RPA3: variants seen among roughly 807,000 people sequenced by gnomAD.
RPA3 encodes replication protein A3.
RPA3 carries 24 observed loss-of-function variants against 13.7 expected under a neutral mutation model. The observed-to-expected ratio is 1.75, with a 90% CI of 1.27 to 2.46. The LOEUF (loss-of-function observed/expected upper bound fraction) is 2.46. RPA3 is among the 30% of genes most tolerant of loss of function. The pLI is 0.00. For missense variants in RPA3, 183 were observed against 151.0 expected (o/e 1.21, Z -1.11); for synonymous variants, 59 against 51.2 (o/e 1.15, Z -0.65).
rs1297379747 is a variant in RPA3, at chr7:7,640,502, C to A, written c.-84G>T. ...CCGCGGGTGTCTATGGGGCAGATTT[C>A]TCGGCACCAATCAGCGAAGACTAGC... is the stretch of plus-strand genomic sequence containing the variant. On this transcript the variant is annotated 5_prime_UTR_variant, in exon 5 of 8. Coordinates refer to ENST00000223129, the MANE Select transcript of RPA3 (RefSeq NM_002947.5). The A allele has an allele frequency of 8.6e-6, 11 of 1,282,846 alleles. No homozygotes were observed. Among genetic ancestry groups the A allele is most frequent in the Non-Finnish European group, 1.2e-5 (11 of 890,190 alleles). 79.5% of individuals were successfully genotyped at this position (1,282,846 alleles called of 1,614,324 possible).
intron 2 of RPA3, among the ~76,000 whole-genome samples, chr7:7,706,339 C>A (rs1287678238): frequency 6.6e-6 from 1 of 151,984 alleles, no homozygotes; most frequent in Non-Finnish European, 1.5e-5. Flanking sequence ...ATGTTATCAC[C>A]CTAGTCTGGG....
At chr7:7,661,669 T>G (rs932590522) in intron 4 of RPA3, among the ~76,000 whole-genome samples, 9 of 152,178 alleles carry the variant, frequency 5.9e-5, no homozygotes, top group Admixed American at 4.6e-4. Flanking sequence ...GCCCGTTCCT[T>G]CCTCTGGAAG....
intron 7 of RPA3, 97 bp from the exon 8 acceptor site, chr7:7,637,179 C>A: frequency 2.2e-6 from 2 of 895,200 alleles, no homozygotes; most frequent in Non-Finnish European, 3.6e-6. Context: ...TTTTCTCACC[C>A]TTTTGGAAGT....
chr7:7,639,934 T>G, intron 5 of RPA3: 1 of 230,876 alleles, frequency 4.3e-6, no homozygotes, highest in Non-Finnish European at 8.7e-6. Flanking sequence ...GGAAACGAGG[T>G]TTGCAAAAAT....
At chr7:7,717,348 C>T (rs1780941758) in intron 1 of RPA3, among the ~76,000 whole-genome samples, 1 of 152,172 alleles carries the variant, frequency 6.6e-6, no homozygotes, top group Non-Finnish European at 1.5e-5. Flanking sequence ...TAAGCCACCT[C>T]GCCCAGCCTC....
chr7:7,638,053 A>G (rs1784894891), intron 6 of RPA3, 81 bp from the exon 7 acceptor site: 1 of 948,334 alleles, frequency 1.1e-6, no homozygotes, highest in Non-Finnish European at 1.6e-6. Flanking sequence ...TATACAGGTT[A>G]CTAATCTATC....
chr7:7,666,231 C>T (rs1779452452), intron 4 of RPA3, among the ~76,000 whole-genome samples: 1 of 151,958 alleles, frequency 6.6e-6, no homozygotes, highest in African/African-American at 2.4e-5. Context: ...GATAGGGTCT[C>T]ATAGCCCTGT....
At chr7:7,676,339 G>A in intron 4 of RPA3, 1 of 392,156 alleles carries the variant, frequency 2.6e-6, no homozygotes, top group Non-Finnish European at 4.5e-6. Flanking sequence ...CCCTGTGAGT[G>A]AGGTAGTACT....
chr7:7,688,260 T>C (rs1199429171), intron 2 of RPA3, among the ~76,000 whole-genome samples: 1 of 152,208 alleles, frequency 6.6e-6, no homozygotes, highest in Admixed American at 6.5e-5. Context: ...TGTGATTTCT[T>C]AGGATATTTT....
chr7:7,658,850 C>G (rs887653294), intron 4 of RPA3, among the ~76,000 whole-genome samples: 1 of 151,910 alleles, frequency 6.6e-6, no homozygotes, highest in East Asian at 1.9e-4. Context: ...CCCTTTTTTT[C>G]TATTGTTTGG....
rs1784963166 is a variant in RPA3, at chr7:7,641,174, A to G, written c.-756T>C. ...TCACTCTACTTTCTCCACTTTCTCC[A>G]CCTGTAAGAAGAGAGATTGATCCGA... On this transcript the variant is annotated splice_region_variant and 5_prime_UTR_variant, in exon 5 of 8. Coordinates refer to ENST00000223129, the MANE Select transcript of RPA3 (RefSeq NM_002947.5). The G allele has an allele frequency of 6.6e-6, 1 of 152,028 alleles. No individual in the cohort carries two copies. The highest frequency in any genetic ancestry group is 2.1e-4 in the South Asian group (1 of 4,864). 9.4% of individuals were successfully genotyped at this position (152,028 alleles called of 1,614,324 possible).
intron 6 of RPA3, chr7:7,638,556 C>T (rs1347223351): frequency 6.6e-6 from 1 of 151,600 alleles, no homozygotes; most frequent in Non-Finnish European, 1.5e-5. Context: ...CAAAACAAAA[C>T]AAAACAAAAC....
Position 7,636,916 on chromosome 7 carries a change from A to G in RPA3, c.*84T>C. On this transcript the variant is annotated 3_prime_UTR_variant, in exon 8 of 8. Coordinates refer to ENST00000223129, the MANE Select transcript of RPA3 (RefSeq NM_002947.5). ...CAGCAAATTAAATATGAGAAAGCAC[A>G]GAAATCTCTCCCTCAAACAAGAAGG... The G allele has an allele frequency of 1.0e-6, 1 of 992,908 alleles. No individual in the cohort carries two copies. The highest frequency in any genetic ancestry group is 1.6e-6 in the Non-Finnish European group (1 of 637,520). 61.5% of individuals were successfully genotyped at this position (992,908 alleles called of 1,614,324 possible).
intron 1 of RPA3, among the ~76,000 whole-genome samples, chr7:7,716,470 C>G (rs574987274): frequency 7.9e-5 from 12 of 152,304 alleles, no homozygotes; most frequent in East Asian, 7.7e-4. Flanking sequence ...GATAAGCAAG[C>G]TGGAAGCTTG....
In RPA3 at chr7:7,653,965, G is replaced by T. The variant is rs573354576; in HGVS notation, c.-757-12790C>A. Among the ~76,000 whole-genome samples the T allele has an allele frequency of 3.9e-5, 6 of 152,224 alleles. No individual in the cohort carries two copies. In the East Asian group the frequency reaches 1.2e-3, roughly 29 times the overall value. On this transcript the variant is annotated intron_variant, in intron 4 of 7. Coordinates refer to ENST00000223129, the MANE Select transcript of RPA3 (RefSeq NM_002947.5). ...TAGAGTGGAGAGATTGAGAAACCTT[G>T]GTCCAATGTAATATGAGATTTCCCC...
At chr7:7,654,802 G>A (rs187430836) in intron 4 of RPA3, among the ~76,000 whole-genome samples, 1 of 151,750 alleles carries the variant, frequency 6.6e-6, no homozygotes, top group South Asian at 2.1e-4. Flanking sequence ...TACTCTGGAG[G>A]CTGAGGCAGG....
rs1185232025 is a variant in RPA3 at position 7,640,710 on chromosome 7, A to G, written c.-292T>C. ...GGAGGCGGGACTTGGATAGGGGCGG[A>G]ACCTGAGACTACCTTTCTGCGATCA... On this transcript the variant is annotated 5_prime_UTR_variant, in exon 5 of 8. Transcript: ENST00000223129. 6 of 383,548 alleles carry G rather than the reference A, an allele frequency of 1.6e-5. No homozygotes were observed. Among genetic ancestry groups the G allele is most frequent in the Non-Finnish European group, 2.9e-5 (6 of 209,914 alleles). 23.8% of individuals were successfully genotyped at this position (383,548 alleles called of 1,614,324 possible).
At chr7:7,691,357 T>C (rs1421866095) in intron 2 of RPA3, among the ~76,000 whole-genome samples, 1 of 152,236 alleles carries the variant, frequency 6.6e-6, no homozygotes, top group African/African-American at 2.4e-5. Flanking sequence ...TTATTTTATA[T>C]TCAATTAAAA....
chr7:7,716,123 G>A (rs1283343225), intron 1 of RPA3, among the ~76,000 whole-genome samples: 1 of 152,066 alleles, frequency 6.6e-6, no homozygotes, highest in Non-Finnish European at 1.5e-5. Flanking sequence ...AGAAAAGGAT[G>A]GATCTAAATA....
Sources: allele counts gnomAD v4.1 joint callset (sites outside exome capture counted in the v4.1 genomes callset), GRCh38; gene constraint gnomAD v4.1.1; transcripts MANE v1.5; gene names NCBI Gene and HGNC (gene_info 2026-07-23, HGNC 2026-07-21).